PDE1C: variants seen among roughly 807,000 people sequenced by gnomAD.
The protein encoded by PDE1C is dual specificity calcium/calmodulin-dependent 3',5'-cyclic nucleotide phosphodiesterase 1C.
Under a neutral mutation model 93.1 loss-of-function variants are expected in PDE1C, and 62 were observed. The ratio of observed to expected loss-of-function variants is 0.67; its 90% CI spans 0.54 to 0.82. PDE1C has a LOEUF of 0.82. Among genes scored for constraint, PDE1C ranks in the 40% least tolerant of loss-of-function variants. The pLI is 0.00. For missense variants in PDE1C, 742 were observed against 884.6 expected, an observed-to-expected ratio of 0.84 and a Z score of 2.04; for synonymous variants, 325 against 310.1, an observed-to-expected ratio of 1.05 and a Z score of -0.50.
chr7:31,959,076 C>T (rs926566557), intron 2 of PDE1C, among the ~76,000 whole-genome samples: 5 of 152,178 alleles, frequency 3.3e-5, no homozygotes, highest in Non-Finnish European at 7.3e-5. Flanking sequence ...CCATAATCAT[C>T]ATCTCCCTCC....
At chr7:31,875,822 T>TATAC (rs1392324364) in intron 5 of PDE1C, among the ~76,000 whole-genome samples, 1 of 89,078 alleles carries the variant, frequency 1.1e-5, no homozygotes, top group African/African-American at 4.7e-5. Context: ...TATATATATA[T>TATAC]ATATATATAT....
chr7:31,694,576 A>C, the PDE1C span, among the ~76,000 whole-genome samples: 1 of 152,176 alleles, frequency 6.6e-6, no homozygotes, highest in African/African-American at 2.4e-5. Context: ...TATTGCAGGG[A>C]GAGGCAACTA....
Position 32,420,154 on chromosome 7 carries a change from C to T in PDE1C, c.310+7668G>A, listed in dbSNP as rs1785376030. ...ACACACACACACACACACACACACACACACATATATATGTGTATATATATA... is the reference window on the plus strand; with the variant it reads ...ACACACACACACACACACACACACATACACATATATATGTGTATATATATA... On this transcript the variant is annotated intron_variant, in intron 1 of 1. Coordinates refer to the PDE1C transcript ENST00000672256. Among the ~76,000 whole-genome samples, 8 of 44,604 alleles carry T rather than the reference C, an allele frequency of 1.8e-4. 2 individuals are homozygous for T. Among genetic ancestry groups the T allele is most frequent in the African/African-American group, 3.5e-4 (5 of 14,134 alleles). The allele number at this position is 44,604 out of a possible 152,430, so 29.3% of individuals were successfully genotyped here. A position where few individuals can be genotyped will look rare whatever the true frequency, so the allele number is the denominator to read the frequency against.
At chr7:31,786,998 A>G (rs1784074762) in intron 16 of PDE1C, 1 of 152,014 alleles carries the variant, frequency 6.6e-6, no homozygotes, top group Non-Finnish European at 1.5e-5. Flanking sequence ...CTATCTAAGG[A>G]AAAGTGACCC....
intron 9 of PDE1C, among the ~76,000 whole-genome samples, chr7:31,845,123 C>T (rs978648886): frequency 2.0e-5 from 3 of 152,090 alleles, no homozygotes; most frequent in African/African-American, 7.2e-5. Context: ...TAGTGACACA[C>T]TCCTGTTGTT....
intron 3 of PDE1C, among the ~76,000 whole-genome samples, chr7:32,119,788 C>A (rs1199791189): frequency 6.6e-6 from 1 of 152,222 alleles, no homozygotes; most frequent in African/African-American, 2.4e-5. Context: ...GGACCCATGC[C>A]TCCAGGGCAT....
At chr7:31,780,773 G>A (rs541690959) in intron 16 of PDE1C, among the ~76,000 whole-genome samples, 1 of 149,744 alleles carries the variant, frequency 6.7e-6, no homozygotes, top group Non-Finnish European at 1.5e-5. Flanking sequence ...GTATGTGCAT[G>A]TGCGCATGCG....
the PDE1C span, among the ~76,000 whole-genome samples, chr7:31,672,423 A>C: frequency 1.3e-5 from 2 of 152,184 alleles, no homozygotes; most frequent in Non-Finnish European, 2.9e-5. Flanking sequence ...CTTCACCAAC[A>C]ACAACCTTAC....
At chr7:32,412,801 A>C (rs1453732448) in intron 1 of PDE1C, among the ~76,000 whole-genome samples, 3 of 152,258 alleles carry the variant, frequency 2.0e-5, no homozygotes, top group Admixed American at 6.5e-5. Flanking sequence ...TCAACAGAGA[A>C]TCTCAGAAAC....
chr7:32,067,757 C>T (rs181939194), intron 1 of PDE1C, among the ~76,000 whole-genome samples: 18 of 152,292 alleles, frequency 1.2e-4, no homozygotes, highest in Admixed American at 1.1e-3. Context: ...GCTCATGGCT[C>T]ATTGTGTTGA....
In PDE1C at chr7:31,828,392, A is replaced by G. The variant is rs745860745; in HGVS notation, c.1204-19T>C. On this transcript the variant is annotated intron_variant, in intron 11 of 17. Coordinates refer to ENST00000396191, the MANE Select transcript of PDE1C (RefSeq NM_001191057.4). ...TGTCACCCTGGAAAAATAAAAGGTC[A>G]TAGTAAATTAAGGAACAGTAGGCTG... 5.6e-6 allele frequency: 9 copies of G among 1,605,088 alleles called. No homozygotes were observed. Among genetic ancestry groups the G allele is most frequent in the African/African-American group, 2.7e-5 (2 of 74,766 alleles).
chr7:32,409,900 C>A (rs1257206833), intron 1 of PDE1C, among the ~76,000 whole-genome samples: 3 of 151,752 alleles, frequency 2.0e-5, no homozygotes, highest in Admixed American at 2.0e-4. Flanking sequence ...TATATACACA[C>A]ACAAATGTAT....
chr7:32,367,339 A>G (rs927287689), intron 1 of PDE1C, among the ~76,000 whole-genome samples: 27 of 152,194 alleles, frequency 1.8e-4, no homozygotes, highest in Admixed American at 1.4e-3. Flanking sequence ...CAATAACAGA[A>G]GAAGTAAGAA....
intron 1 of PDE1C, among the ~76,000 whole-genome samples, chr7:32,219,077 G>A (rs1176744493): frequency 6.6e-6 from 1 of 152,200 alleles, no homozygotes; most frequent in Non-Finnish European, 1.5e-5. Context: ...GAAATCATCA[G>A]GCCAAGCTAC....
At chr7:31,703,421 A>G in the PDE1C span, among the ~76,000 whole-genome samples, 30 of 152,296 alleles carry the variant, frequency 2.0e-4, no homozygotes, top group African/African-American at 7.2e-4. Context: ...ATCAAACAAC[A>G]CAGCGTAAAC....
the PDE1C span, among the ~76,000 whole-genome samples, chr7:31,692,051 G>A: frequency 1.3e-5 from 2 of 152,102 alleles, no homozygotes; most frequent in Non-Finnish European, 2.9e-5. Context: ...AAAAACATAG[G>A]CAAGGTTTAA....
the PDE1C span, among the ~76,000 whole-genome samples, chr7:31,709,355 CT>C: frequency 6.6e-6 from 1 of 152,176 alleles, no homozygotes; most frequent in African/African-American, 2.4e-5. Context: ...CTTACTTTGC[CT>C]TGTTCATAAT....
chr7:32,270,316 A>G (rs1301675009), intron 1 of PDE1C, among the ~76,000 whole-genome samples: 1 of 151,626 alleles, frequency 6.6e-6, no homozygotes, highest in Non-Finnish European at 1.5e-5. Context: ...TTTTTACAAT[A>G]AACAAGTAGC....
At chr7:32,323,501 G>A (rs1255974575) in intron 1 of PDE1C, among the ~76,000 whole-genome samples, 1 of 152,142 alleles carries the variant, frequency 6.6e-6, no homozygotes, top group Non-Finnish European at 1.5e-5. Flanking sequence ...CACCCCTGAG[G>A]GAGAGAGGCC....
Sources: gnomAD v4.1 joint callset for allele counts (sites outside exome capture counted in the v4.1 genomes callset) on GRCh38, gnomAD v4.1.1 for gene constraint, MANE v1.5 for transcripts, NCBI Gene and HGNC (gene_info 2026-07-23, HGNC 2026-07-21) for gene names.